The following FBXL2 variants were observed in gnomAD, a reference collection of about 807,000 sequenced individuals.
FBXL2 encodes F-box/LRR-repeat protein 2.
FBXL2 carries 38 observed loss-of-function variants against 69.2 expected under a neutral mutation model. The observed-to-expected ratio is 0.55, with a 90% CI of 0.42 to 0.72. The LOEUF is 0.72. Ranked by LOEUF, FBXL2 falls within the 30% of genes least tolerant of loss-of-function variation. The pLI is 0.00. For synonymous variants in FBXL2, 192 were observed against 201.3 expected (o/e 0.95, Z 0.39); for missense variants, 354 against 520.3 (o/e 0.68, Z 3.11).
At chr3:33,306,301 C>G (rs2036711207) in intron 2 of FBXL2, among the ~76,000 whole-genome samples, 1 of 151,970 alleles carries the variant, frequency 6.6e-6, no homozygotes, top group Non-Finnish European at 1.5e-5. Context: ...GAGAACTACA[C>G]AAAACAAATA....
the FBXL2 span, among the ~76,000 whole-genome samples, chr3:33,415,414 C>T: frequency 2.6e-5 from 4 of 151,960 alleles, no homozygotes; most frequent in Admixed American, 6.6e-5. Flanking sequence ...TTCTATAATC[C>T]GGCATACACA....
At chr3:33,416,276 G>A in the FBXL2 span, among the ~76,000 whole-genome samples, 17 of 152,304 alleles carry the variant, frequency 1.1e-4, no homozygotes, top group South Asian at 3.5e-3. Context: ...CCAGGGGGCA[G>A]GGATGGTTCT....
intron 2 of FBXL2, among the ~76,000 whole-genome samples, chr3:33,310,839 A>G (rs1467842516): frequency 6.6e-6 from 1 of 152,082 alleles, no homozygotes; most frequent in African/African-American, 2.4e-5. Flanking sequence ...CAGTTGTGCA[A>G]TCTTGGCTCA....
intron 4 of FBXL2, among the ~76,000 whole-genome samples, chr3:33,360,918 CTTTTTTTTTTTTTT>C (rs58912118): frequency 4.4e-4 from 25 of 57,130 alleles, no homozygotes; most frequent in African/African-American, 1.1e-3. Context: ...ACATGAAGAA[CTTTTTTTTTTTTTT>C]TTTTTTTTTT....
chr3:33,413,719 T>C, the FBXL2 span, among the ~76,000 whole-genome samples: 1 of 151,782 alleles, frequency 6.6e-6, no homozygotes, highest in Non-Finnish European at 1.5e-5. Context: ...AGATAAAGAG[T>C]ACCATGTGGG....
chr3:33,303,266 G>A (rs914036237), intron 2 of FBXL2: 11 of 435,876 alleles, frequency 2.5e-5, no homozygotes, highest in South Asian at 1.1e-4. Context: ...GCTCGCTCTC[G>A]TGGTTGTTTT....
intron 2 of FBXL2, among the ~76,000 whole-genome samples, chr3:33,334,825 A>T (rs2039446243): frequency 6.6e-6 from 1 of 152,156 alleles, no homozygotes; most frequent in Admixed American, 6.6e-5. Context: ...TCACATCTGT[A>T]ATCCCAGCAC....
At chr3:33,394,051 T>G (rs1175220711) in intron 12 of FBXL2, among the ~76,000 whole-genome samples, 2 of 152,026 alleles carry the variant, frequency 1.3e-5, no homozygotes, top group African/African-American at 4.8e-5. Context: ...GTGTCCTTTT[T>G]TGTTGCCCAG....
downstream of FBXL2, chr3:33,390,027 G>T: frequency 2.8e-6 from 1 of 352,766 alleles, no homozygotes; most frequent in Non-Finnish European, 5.2e-6. Flanking sequence ...AGACAGCAAA[G>T]GCTGCTTCTA....
rs548686375 is a variant in FBXL2 at position 33,337,066 on chromosome 3, G to A, written c.66-21901G>A. Among the ~76,000 whole-genome samples the A allele has an allele frequency of 6.6e-5, 10 of 151,920 alleles. No individual in the cohort carries two copies. The South Asian group carries it at 1.5e-3, about 22-fold the overall frequency. On this transcript the variant is annotated intron_variant, in intron 2 of 14. Coordinates refer to ENST00000484457, the MANE Select transcript of FBXL2 (RefSeq NM_012157.5). ...TTAAAATACAAAAAATCAGCTGGAC[G>A]TGGCGGCGTGTGCCTGTAGTCCCAG...
chr3:33,329,807 C>T (rs564653985), intron 2 of FBXL2, among the ~76,000 whole-genome samples: 44 of 151,956 alleles, frequency 2.9e-4, no homozygotes, highest in African/African-American at 1.0e-3. Context: ...GCCTGGGCCA[C>T]GTAGCAAGAT....
At chr3:33,300,875 AT>A (rs11312891) in intron 2 of FBXL2, among the ~76,000 whole-genome samples, 66,301 of 146,626 alleles carry the variant, frequency 0.45, 15,896 homozygotes, top group East Asian at 0.61. Context: ...CGCCCAGCTA[AT>A]TTTTTTTTTT....
chr3:33,385,767 T>TA lies in FBXL2; in HGVS notation c.*160dup, dbSNP rs1559652500. The TA allele has an allele frequency of 1.6e-6, 1 of 627,998 alleles. No individual in the cohort carries two copies. The highest frequency in any genetic ancestry group is 2.8e-6 in the Non-Finnish European group (1 of 350,938). 38.9% of individuals were successfully genotyped at this position (627,998 alleles called of 1,614,324 possible). Reference sequence around the variant, plus strand: ...GTATGGATTGCAGTTACTCTGGTGATAGTTTTCACCTTTATTCTGCTGTGA... The same window carrying TA: ...GTATGGATTGCAGTTACTCTGGTGATAAGTTTTCACCTTTATTCTGCTGTGA... On this transcript the variant is annotated 3_prime_UTR_variant, in exon 15 of 15. Coordinates refer to ENST00000484457, the MANE Select transcript of FBXL2 (RefSeq NM_012157.5).
chr3:33,378,956 C>A (rs1005671035), intron 13 of FBXL2: 4 of 853,334 alleles, frequency 4.7e-6, no homozygotes, highest in Admixed American at 3.0e-5. Context: ...AGAGAAATGT[C>A]CAGATCCAGA....
intron 2 of FBXL2, among the ~76,000 whole-genome samples, chr3:33,345,390 A>G (rs1203089714): frequency 6.6e-6 from 1 of 152,238 alleles, no homozygotes; most frequent in Admixed American, 6.5e-5. Context: ...TGGGGCACAC[A>G]TCATTCAACC....
chr3:33,359,253 A>G (rs746872137), intron 3 of FBXL2, 30 bp from the exon 4 acceptor site: 2 of 1,583,100 alleles, frequency 1.3e-6, no homozygotes, highest in Non-Finnish European at 1.7e-6. Flanking sequence ...TTTCATCCCA[A>G]TCCCTCTTCC....
chr3:33,355,820 C>T (rs186059195), intron 2 of FBXL2, among the ~76,000 whole-genome samples: 22 of 152,284 alleles, frequency 1.4e-4, no homozygotes, highest in East Asian at 3.9e-4. Context: ...CCACTCATGT[C>T]GCTATCTCCG....
chr3:33,379,442 C>T (rs2042869897), intron 13 of FBXL2, among the ~76,000 whole-genome samples: 1 of 152,048 alleles, frequency 6.6e-6, no homozygotes, highest in African/African-American at 2.4e-5. Flanking sequence ...GCAACCTCTG[C>T]CTCCTTGGTT....
At chr3:33,283,451 A>G (rs1431863701) in intron 1 of FBXL2, among the ~76,000 whole-genome samples, 1 of 152,206 alleles carries the variant, frequency 6.6e-6, no homozygotes, top group Non-Finnish European at 1.5e-5. Context: ...TCAGTTTGCC[A>G]GTATTTTATT....
Sources: gnomAD v4.1 joint callset for allele counts (sites outside exome capture counted in the v4.1 genomes callset) on GRCh38, gnomAD v4.1.1 for gene constraint, MANE v1.5 for transcripts, NCBI Gene and HGNC (gene_info 2026-07-23, HGNC 2026-07-21) for gene names.